Variants in GALNTL6 observed in about 807,000 individuals in gnomAD.
GALNTL6 encodes polypeptide N-acetylgalactosaminyltransferase-like 6.
Under a neutral mutation model 73.7 loss-of-function variants are expected in GALNTL6, and 46 were observed. The observed-to-expected ratio is 0.62, with a 90% CI of 0.49 to 0.80. The LOEUF (loss-of-function observed/expected upper bound fraction) is 0.80, where lower values mean the gene tolerates loss of function less well. Ranked by LOEUF, GALNTL6 falls within the 30% of genes least tolerant of loss-of-function variation. The pLI, the probability that GALNTL6 is intolerant of heterozygous loss-of-function variation, is 0.00. For missense variants in GALNTL6, 604 were observed against 755.0 expected, an observed-to-expected ratio of 0.80 and a Z score of 2.34; for synonymous variants, 259 against 263.7, an observed-to-expected ratio of 0.98 and a Z score of 0.17.
chr4:171,874,958 T>C (rs1736233978), intron 2 of GALNTL6, among the ~76,000 whole-genome samples: 1 of 152,130 alleles, frequency 6.6e-6, no homozygotes, highest in African/African-American at 2.4e-5. Flanking sequence ...CCTGCAGAAA[T>C]GTATTCGTTT....
rs1356940699 is a variant in GALNTL6, at chr4:172,504,989, G to T, written c.553+156300G>T. 1.3e-4 allele frequency among the ~76,000 whole-genome samples: 7 copies of T among 55,054 alleles called. 3 individuals carry two copies. Among genetic ancestry groups the T allele is most frequent in the African/African-American group, 3.2e-4 (7 of 22,136 alleles). 36.1% of individuals were successfully genotyped at this position (55,054 alleles called of 152,430 possible). On this transcript the variant is annotated intron_variant, in intron 5 of 12. Coordinates refer to ENST00000506823, the MANE Select transcript of GALNTL6 (RefSeq NM_001034845.3). The stretch of plus-strand genomic sequence containing the variant: ...GTGCTGAGAATTAGGTTCTGGGAAT[G>T]ATAAGAAAGGAAATTTTTTTCTAAG...
intron 5 of GALNTL6, among the ~76,000 whole-genome samples, chr4:172,712,963 G>A (rs532884067): frequency 1.2e-4 from 19 of 152,004 alleles, no homozygotes; most frequent in Admixed American, 3.3e-4. Context: ...ATTTCCTTAC[G>A]TGCAAAATGA....
intron 5 of GALNTL6, among the ~76,000 whole-genome samples, chr4:172,723,258 T>A (rs1168875546): frequency 6.6e-6 from 1 of 152,182 alleles, no homozygotes; most frequent in African/African-American, 2.4e-5. Flanking sequence ...GTGCTAGAGA[T>A]GAGAATGTGG....
chr4:172,158,773 C>G (rs1734363308), intron 2 of GALNTL6, among the ~76,000 whole-genome samples: 1 of 152,028 alleles, frequency 6.6e-6, no homozygotes, highest in Non-Finnish European at 1.5e-5. Flanking sequence ...ATTTTATGAG[C>G]AATTTTTTTC....
intron 2 of GALNTL6, among the ~76,000 whole-genome samples, chr4:171,946,945 G>A (rs972625479): frequency 1.3e-5 from 2 of 151,996 alleles, no homozygotes; most frequent in East Asian, 1.9e-4. Flanking sequence ...TCTAAACAAG[G>A]AAGTGAAAAT....
At chr4:172,862,083 T>A (rs1335965481) in intron 7 of GALNTL6, among the ~76,000 whole-genome samples, 1 of 152,016 alleles carries the variant, frequency 6.6e-6, no homozygotes, top group East Asian at 1.9e-4. Context: ...TGTGAGAAAA[T>A]TTGGAACTTC....
intron 5 of GALNTL6, among the ~76,000 whole-genome samples, chr4:172,367,646 T>C (rs1579000143): frequency 6.6e-6 from 1 of 152,206 alleles, no homozygotes; most frequent in East Asian, 1.9e-4. Flanking sequence ...TTTTGGAATA[T>C]CTCAGTTCTG....
chr4:172,167,982 A>AAAG (rs1734686604), intron 2 of GALNTL6, among the ~76,000 whole-genome samples: 1 of 146,740 alleles, frequency 6.8e-6, no homozygotes. Flanking sequence ...AAAAAAAAAA[A>AAAG]AAAGAAACAT....
chr4:172,313,388 G>T (rs1740433744), intron 4 of GALNTL6, among the ~76,000 whole-genome samples: 1 of 151,868 alleles, frequency 6.6e-6, no homozygotes, highest in African/African-American at 2.4e-5. Flanking sequence ...CTCCCAAAGT[G>T]CTGGGATTAC....
At chr4:172,690,033 A>C (rs998565585) in intron 5 of GALNTL6, among the ~76,000 whole-genome samples, 5 of 152,212 alleles carry the variant, frequency 3.3e-5, no homozygotes, top group African/African-American at 1.2e-4. Flanking sequence ...GAGAGCTCAG[A>C]CTAAGAAGTA....
chr4:172,585,696 A>C (rs1737383602), intron 5 of GALNTL6, among the ~76,000 whole-genome samples: 1 of 152,134 alleles, frequency 6.6e-6, no homozygotes, highest in African/African-American at 2.4e-5. Context: ...TTGCTATTGT[A>C]AATAGTGCTG....
intron 5 of GALNTL6, among the ~76,000 whole-genome samples, chr4:172,742,627 T>C (rs1736874031): frequency 6.6e-6 from 1 of 152,036 alleles, no homozygotes; most frequent in African/African-American, 2.4e-5. Flanking sequence ...AAACACCTTA[T>C]TTTCAGAACC....
chr4:172,617,384 C>T (rs534892459), intron 5 of GALNTL6, among the ~76,000 whole-genome samples: 24 of 143,726 alleles, frequency 1.7e-4, no homozygotes, highest in East Asian at 3.9e-4. Context: ...ATCTTGGGAC[C>T]CAGAATATGA....
At chr4:172,691,846 A>G (rs1207063421) in intron 5 of GALNTL6, among the ~76,000 whole-genome samples, 2 of 152,262 alleles carry the variant, frequency 1.3e-5, no homozygotes. Context: ...AAGCTGAGCA[A>G]GACAATCTAA....
intron 2 of GALNTL6, among the ~76,000 whole-genome samples, chr4:172,003,652 T>C (rs1740745497): frequency 6.6e-6 from 1 of 152,144 alleles, no homozygotes; most frequent in African/African-American, 2.4e-5. Context: ...TAAAATGTCA[T>C]GGTTGGTTGC....
At chr4:172,376,593 T>C (rs1156823770) in intron 5 of GALNTL6, among the ~76,000 whole-genome samples, 1 of 152,116 alleles carries the variant, frequency 6.6e-6, no homozygotes, top group Non-Finnish European at 1.5e-5. Flanking sequence ...TAGTCGCTTT[T>C]AACTGTGCCT....
intron 4 of GALNTL6, among the ~76,000 whole-genome samples, chr4:172,316,979 C>G (rs544887257): frequency 1.3e-5 from 2 of 152,104 alleles, no homozygotes; most frequent in Non-Finnish European, 2.9e-5. Flanking sequence ...CCCAAACCCA[C>G]GAATCTCTTT....
At chr4:172,844,252 G>A (rs1440133301) in intron 7 of GALNTL6, among the ~76,000 whole-genome samples, 4 of 152,140 alleles carry the variant, frequency 2.6e-5, no homozygotes, top group Admixed American at 6.5e-5. Flanking sequence ...AAAGGCACTG[G>A]CTCAACTGCG....
At chr4:172,248,854 T>A (rs1737751540) in intron 3 of GALNTL6, among the ~76,000 whole-genome samples, 1 of 152,140 alleles carries the variant, frequency 6.6e-6, no homozygotes, top group African/African-American at 2.4e-5. Flanking sequence ...CCAAAATGAT[T>A]ATAAGTTTTC....
Sources: allele counts gnomAD v4.1 joint callset (sites outside exome capture counted in the v4.1 genomes callset), GRCh38; gene constraint gnomAD v4.1.1; transcripts MANE v1.5; gene names NCBI Gene and HGNC (gene_info 2026-07-23, HGNC 2026-07-21).